FSTL5: variants seen among roughly 807,000 people sequenced by gnomAD.
The protein encoded by FSTL5 is follistatin-related protein 5.
In FSTL5, 62 loss-of-function variants were observed where a neutral mutation model predicts 89.1. The observed-to-expected ratio is 0.70, with a 90% CI of 0.57 to 0.86. The LOEUF is 0.86. Ranked by LOEUF, FSTL5 falls within the 40% of genes least tolerant of loss-of-function variation. The probability of loss-of-function intolerance (pLI) is 0.00; values close to 1 mark genes in which losing one functional copy is unlikely to be tolerated. For missense variants in FSTL5, 1,057 were observed against 1,001.6 expected (o/e 1.06, Z -0.75); for synonymous variants, 383 against 346.2 (o/e 1.11, Z -1.18).
intron 1 of FSTL5, among the ~76,000 whole-genome samples, chr4:162,111,758 TA>T (rs1731453502): frequency 6.6e-6 from 1 of 152,088 alleles, no homozygotes; most frequent in African/African-American, 2.4e-5. Context: ...CGGTACAGAA[TA>T]CAATTATTAA....
At chr4:161,472,236 C>T (rs1733970932) in intron 13 of FSTL5, among the ~76,000 whole-genome samples, 1 of 152,138 alleles carries the variant, frequency 6.6e-6, no homozygotes, top group Admixed American at 6.5e-5. Flanking sequence ...CTTGGCCTCC[C>T]AAAGTGCTGG....
At chr4:161,669,111 C>CA (rs33950474) in intron 6 of FSTL5, among the ~76,000 whole-genome samples, 37,632 of 104,426 alleles carry the variant, frequency 0.36, 6,295 homozygotes, top group Middle Eastern at 0.51. Context: ...GACTCTGTCT[C>CA]AAAAAAAAAA....
intron 15 of FSTL5, among the ~76,000 whole-genome samples, chr4:161,440,798 T>G (rs1732733546): frequency 6.6e-6 from 1 of 152,156 alleles, no homozygotes; most frequent in Non-Finnish European, 1.5e-5. Flanking sequence ...TTCCTCAAAG[T>G]GCTGAGATAA....
intron 4 of FSTL5, among the ~76,000 whole-genome samples, chr4:161,791,690 T>G (rs1729482549): frequency 6.6e-6 from 1 of 152,154 alleles, no homozygotes; most frequent in African/African-American, 2.4e-5. Flanking sequence ...TATTCCTGGG[T>G]TATTCTTTGG....
chr4:161,538,436 G>A, intron 9 of FSTL5, 136 bp from the exon 10 acceptor site: 2 of 919,696 alleles, frequency 2.2e-6, no homozygotes, highest in Non-Finnish European at 3.4e-6. Flanking sequence ...TACTTTGAAG[G>A]CATGCCAAAT....
rs143534900 is a variant in FSTL5, at chr4:161,666,454, C to G, written c.728-9960G>C. 5.9e-3 allele frequency among the ~76,000 whole-genome samples: 892 copies of G among 152,202 alleles called. 7 individuals are homozygous for G. The highest frequency in any genetic ancestry group is 0.02 in the African/African-American group (835 of 41,544). ...ACATGAACAAGAGTGTAAATGTATA[C>G]ATAAACTTGCTCCATTAGTAAAGGA... On this transcript the variant is annotated intron_variant, in intron 6 of 15. Coordinates refer to ENST00000306100, the MANE Select transcript of FSTL5 (RefSeq NM_020116.5).
chr4:162,062,731 A>G (rs1738761101), intron 2 of FSTL5, among the ~76,000 whole-genome samples: 1 of 151,284 alleles, frequency 6.6e-6, no homozygotes, highest in South Asian at 2.1e-4. Context: ...TGTTAAAAAT[A>G]TATATATGTA....
intron 11 of FSTL5, among the ~76,000 whole-genome samples, chr4:161,508,617 T>A (rs1370227630): frequency 6.6e-6 from 1 of 152,176 alleles, no homozygotes; most frequent in East Asian, 1.9e-4. Flanking sequence ...ATCATGATTT[T>A]AATTAATCTG....
intron 4 of FSTL5, among the ~76,000 whole-genome samples, chr4:161,831,682 A>C (rs913483482): frequency 2.0e-5 from 3 of 151,894 alleles, no homozygotes; most frequent in Admixed American, 2.0e-4. Context: ...ACAAGATTTT[A>C]GTTTTAAAAA....
At chr4:161,693,294 T>A (rs950370084) in intron 6 of FSTL5, among the ~76,000 whole-genome samples, 2 of 152,216 alleles carry the variant, frequency 1.3e-5, no homozygotes, top group Non-Finnish European at 2.9e-5. Context: ...CTGGCTTTTT[T>A]ATCAGAATAA....
intron 4 of FSTL5, among the ~76,000 whole-genome samples, chr4:161,832,842 C>A (rs1345659203): frequency 6.6e-6 from 1 of 150,438 alleles, no homozygotes; most frequent in Non-Finnish European, 1.5e-5. Context: ...CTCCTGGATT[C>A]ATTAATTTTT....
At chr4:161,447,116 T>G (rs1406381370) in intron 15 of FSTL5, among the ~76,000 whole-genome samples, 1 of 152,048 alleles carries the variant, frequency 6.6e-6, no homozygotes, top group African/African-American at 2.4e-5. Context: ...CTATTTTACT[T>G]TGCATAATAA....
chr4:162,046,038 T>C (rs1382752150), intron 2 of FSTL5, among the ~76,000 whole-genome samples: 2 of 152,170 alleles, frequency 1.3e-5, no homozygotes, highest in East Asian at 3.9e-4. Context: ...TCTGCAGAAA[T>C]TTTAAATATC....
chr4:161,976,689 G>A (rs1735658822), intron 3 of FSTL5, among the ~76,000 whole-genome samples: 1 of 151,948 alleles, frequency 6.6e-6, no homozygotes, highest in Non-Finnish European at 1.5e-5. Flanking sequence ...CACCTTGTTG[G>A]CCAGGATGGT....
At chr4:161,704,569 A>C (rs1413307437) in intron 6 of FSTL5, among the ~76,000 whole-genome samples, 2 of 152,152 alleles carry the variant, frequency 1.3e-5, no homozygotes, top group African/African-American at 4.8e-5. Flanking sequence ...CCACCTTCCA[A>C]GAAAGGTCAT....
intron 1 of FSTL5, among the ~76,000 whole-genome samples, chr4:162,151,364 T>G (rs1210452440): frequency 7.0e-6 from 1 of 142,478 alleles, no homozygotes. Context: ...AGTTGCTAAC[T>G]CAAAACATTA....
intron 3 of FSTL5, among the ~76,000 whole-genome samples, chr4:161,965,328 CA>C (rs1401653630): frequency 5.6e-4 from 85 of 152,186 alleles, no homozygotes; most frequent in Non-Finnish European, 4.7e-4. Flanking sequence ...TATCATCCAG[CA>C]ACCCCACTTT....
chr4:161,911,587 T>C (rs1733693911), intron 4 of FSTL5, among the ~76,000 whole-genome samples: 1 of 152,150 alleles, frequency 6.6e-6, no homozygotes, highest in Non-Finnish European at 1.5e-5. Context: ...GTTCTTAAAT[T>C]GACTATCACA....
intron 6 of FSTL5, among the ~76,000 whole-genome samples, chr4:161,717,043 T>A (rs1739011526): frequency 6.6e-6 from 1 of 152,224 alleles, no homozygotes; most frequent in Non-Finnish European, 1.5e-5. Flanking sequence ...TTATCTGGGA[T>A]CTCAATTCAT....
Sources: allele counts gnomAD v4.1 joint callset (sites outside exome capture counted in the v4.1 genomes callset), GRCh38; gene constraint gnomAD v4.1.1; transcripts MANE v1.5; gene names NCBI Gene and HGNC (gene_info 2026-07-23, HGNC 2026-07-21).